Variants in MROH9 observed in about 807,000 individuals in gnomAD.
The protein encoded by MROH9 is maestro heat like repeat family member 9.
A neutral mutation model predicts 98.2 loss-of-function variants in MROH9; 92 were observed. That is an observed-to-expected ratio of 0.94 (90% CI 0.79 to 1.11). MROH9 has a LOEUF of 1.11. Among genes scored for constraint, MROH9 ranks in the 50% most tolerant of loss-of-function variants. The probability of loss-of-function intolerance (pLI) is 0.00; values close to 1 mark genes in which losing one functional copy is unlikely to be tolerated. For synonymous variants in MROH9, 397 were observed against 368.9 expected (o/e 1.08, Z -0.87); for missense variants, 1,057 against 1,014.8 (o/e 1.04, Z -0.57).
chr1:170,949,404 G>A (rs550615421), intron 3 of MROH9, among the ~76,000 whole-genome samples: 28 of 152,148 alleles, frequency 1.8e-4, no homozygotes, highest in African/African-American at 6.3e-4. Context: ...GGATGGAGAG[G>A]TAAGCACAGA....
At chr1:170,998,099 C>G in intron 14 of MROH9, 55 bp from the exon 15 acceptor site, 1 of 1,312,802 alleles carries the variant, frequency 7.6e-7, no homozygotes, top group Non-Finnish European at 1.1e-6. Context: ...CTCTTTGCCA[C>G]TATTAGCATG....
At chr1:171,050,597 A>G (rs545413781) in intron 20 of MROH9, among the ~76,000 whole-genome samples, 5 of 117,950 alleles carry the variant, frequency 4.2e-5, no homozygotes, top group South Asian at 2.4e-4. Context: ...TGCATGTAAC[A>G]TCATATCATC....
chr1:171,008,517 G>A (rs1652038058), intron 15 of MROH9, among the ~76,000 whole-genome samples: 1 of 152,098 alleles, frequency 6.6e-6, no homozygotes, highest in African/African-American at 2.4e-5. Flanking sequence ...TATGATTCTT[G>A]GAAATCATCT....
intron 11 of MROH9, 60 bp downstream of exon 11, chr1:170,990,063 G>T: frequency 6.6e-7 from 1 of 1,510,348 alleles, no homozygotes; most frequent in Non-Finnish European, 9.0e-7. Flanking sequence ...TGCACTGTCA[G>T]ATGGACCTGG....
intron 1 of MROH9, among the ~76,000 whole-genome samples, chr1:170,938,069 T>C (rs1557864831): frequency 1.3e-5 from 2 of 152,168 alleles, no homozygotes; most frequent in Non-Finnish European, 2.9e-5. Context: ...TTGCCTCCAT[T>C]ATGGAATAGT....
chr1:171,037,667 GAAT>G (rs1653149275), intron 20 of MROH9, among the ~76,000 whole-genome samples: 1 of 151,794 alleles, frequency 6.6e-6, no homozygotes, highest in South Asian at 2.1e-4. Context: ...TAACTGAAAA[GAAT>G]AATGACAGAG....
At position 170,947,508 on chromosome 1, in the gene MROH9, TCTC is replaced by T. The variant is rs1193221726; in HGVS notation, c.26-16_26-14del. Reference sequence around the variant, plus strand: ...TCTATGTTCATTCCTTTTTAACGAATCTCCTTCTTTCTGGCTAGAGAGTAGTCT... The same window carrying T: ...TCTATGTTCATTCCTTTTTAACGAATCTTCTTTCTGGCTAGAGAGTAGTCT... On this transcript the variant is annotated splice_polypyrimidine_tract_variant and intron_variant, in intron 2 of 21. Coordinates refer to ENST00000367759, the MANE Select transcript of MROH9 (RefSeq NM_001163629.2). The T allele has an allele frequency of 1.2e-6, 2 of 1,607,172 alleles. No homozygotes were observed. The highest frequency in any genetic ancestry group is 1.1e-5 in the South Asian group (1 of 90,654).
intron 14 of MROH9, among the ~76,000 whole-genome samples, chr1:170,997,857 C>T (rs1159099636): frequency 6.6e-6 from 1 of 152,172 alleles, no homozygotes; most frequent in Non-Finnish European, 1.5e-5. Flanking sequence ...TTTCCTCTCC[C>T]TTTAGTCAAG....
intron 20 of MROH9, among the ~76,000 whole-genome samples, chr1:171,042,623 A>T (rs1450287344): frequency 6.6e-6 from 1 of 152,048 alleles, no homozygotes. Context: ...GAGGGTCCCC[A>T]TTTAACCACA....
At position 170,992,291 on chromosome 1, in the gene MROH9, C is replaced by T. The variant is rs553009271; in HGVS notation, c.1156C>T (p.Arg386Cys). The change falls in exon 12 of 22, where the codon CGT (arginine) becomes TGT (cysteine). Residue 386 changes from arginine to cysteine, a missense_variant. Transcript: ENST00000367759. Reference sequence around the variant, plus strand: ...GGAGGACACCGTAACGGAAGGGAAACGTTTCTCTCTTGATATTACCAACTT... The same window carrying T: ...GGAGGACACCGTAACGGAAGGGAAATGTTTCTCTCTTGATATTACCAACTT... ...EMEDTVTEGKRFSLDITNLMP... is the reference protein window; with the variant it reads ...EMEDTVTEGKCFSLDITNLMP... 315 of 1,613,430 alleles carry T rather than the reference C, an allele frequency of 2.0e-4. 1 individual carries two copies. The South Asian group carries it at 3.0e-3, about 16-fold the overall frequency.
intron 20 of MROH9, among the ~76,000 whole-genome samples, chr1:171,052,704 AG>A (rs932121158): frequency 1.3e-5 from 2 of 152,146 alleles, no homozygotes; most frequent in African/African-American, 2.4e-5. Context: ...CTCCTAATCC[AG>A]GGGAGTGGGT....
At chr1:171,032,686 C>T (rs1469092759) in intron 20 of MROH9, among the ~76,000 whole-genome samples, 1 of 152,146 alleles carries the variant, frequency 6.6e-6, no homozygotes, top group African/African-American at 2.4e-5. Flanking sequence ...GGGCACCAAT[C>T]TGATGCTAGT....
rs1206618989 is a variant in MROH9 at position 171,014,255 on chromosome 1, G to C, written c.1734+1G>C. 1.4e-5 allele frequency: 22 copies of C among 1,547,254 alleles called. No individual in the cohort carries two copies. The highest frequency in any genetic ancestry group is 1.9e-5 in the Non-Finnish European group (22 of 1,144,958). On this transcript the variant is annotated splice_donor_variant, in intron 16 of 21. Transcript: ENST00000367759. LOFTEE classifies it high-confidence loss of function. ...CCACATGTCACCAATTATCAATAAG[G>C]TATGTGTATGTGATTTGTGTCTGCA...
At chr1:171,058,181 T>A (rs1653905221) in intron 20 of MROH9, among the ~76,000 whole-genome samples, 1 of 152,064 alleles carries the variant, frequency 6.6e-6, no homozygotes, top group Non-Finnish European at 1.5e-5. Context: ...TTACAAGCAT[T>A]TCTTTACACC....
chr1:171,063,994 A>G lies in MROH9; in HGVS notation c.2345-105A>G. 2.6e-6 allele frequency: 3 copies of G among 1,140,408 alleles called. No individual in the cohort carries two copies. The South Asian group carries it at 5.2e-5, about 20-fold the overall frequency. The allele number at this position is 1,140,408 out of a possible 1,614,324, so 70.6% of individuals were successfully genotyped here. ...CAGAGGGAATGCAGAGGAGAGATGG[A>G]GAGAAGGGGGCACTCTGTGAAAGGT... On this transcript the variant is annotated intron_variant, in intron 21 of 21. Transcript: ENST00000367759.
At chr1:170,969,515 C>G (rs750242410) in intron 7 of MROH9, among the ~76,000 whole-genome samples, 15 of 151,794 alleles carry the variant, frequency 9.9e-5, no homozygotes, top group Admixed American at 2.6e-4. Flanking sequence ...AGAATTGTGG[C>G]GAAGTGGAAG....
At chr1:170,958,811 T>C (rs1368703425) in intron 4 of MROH9, among the ~76,000 whole-genome samples, 3 of 152,172 alleles carry the variant, frequency 2.0e-5, no homozygotes, top group African/African-American at 7.2e-5. Flanking sequence ...GAAAAACATA[T>C]TATCATTGAT....
At chr1:170,958,381 A>C in intron 3 of MROH9, 80 bp from the exon 4 acceptor site, 30 of 732,592 alleles carry the variant, frequency 4.1e-5, no homozygotes, top group Non-Finnish European at 6.0e-5. Context: ...AAAAGGAAGA[A>C]GTGCACATGC....
At chr1:171,022,642 A>G (rs1377305424) in intron 17 of MROH9, among the ~76,000 whole-genome samples, 1 of 152,076 alleles carries the variant, frequency 6.6e-6, no homozygotes, top group Non-Finnish European at 1.5e-5. Flanking sequence ...AGAAATAGCT[A>G]ATGCATATGG....
Sources: gnomAD v4.1 joint callset for allele counts (sites outside exome capture counted in the v4.1 genomes callset) on GRCh38, gnomAD v4.1.1 for gene constraint, MANE v1.5 for transcripts, NCBI Gene and HGNC (gene_info 2026-07-23, HGNC 2026-07-21) for gene names.